Variants in DLG4 observed in about 807,000 individuals in gnomAD.
The protein encoded by DLG4 is discs large MAGUK scaffold protein 4, also known as disks large homolog 4.
In DLG4, 7 loss-of-function variants were observed where a neutral mutation model predicts 93.8. That is an observed-to-expected ratio of 0.07 (90% CI 0.04 to 0.14). The LOEUF is 0.14. Among genes scored for constraint, DLG4 ranks in the 10% least tolerant of loss-of-function variants. The pLI, the probability that DLG4 is intolerant of heterozygous loss-of-function variation, is 1.00. For synonymous variants in DLG4, 341 were observed against 387.6 expected (o/e 0.88, Z 1.41); for missense variants, 545 against 992.9 (o/e 0.55, Z 6.06).
upstream of DLG4, chr17:7,218,779 G>A: frequency 1.2e-6 from 2 of 1,608,886 alleles, no homozygotes; most frequent in Non-Finnish European, 1.7e-6. Flanking sequence ...CCGAGCCCCA[G>A]CCCCCCACTT....
upstream of DLG4, chr17:7,219,169 ATTGC>A: frequency 2.5e-6 from 1 of 406,548 alleles, no homozygotes; most frequent in African/African-American, 2.0e-5. Context: ...CCCAATGAGA[ATTGC>A]AGAAAAAGGG....
intron 2 of DLG4, chr17:7,205,109 C>T (rs1597477099): frequency 2.0e-6 from 2 of 985,542 alleles, no homozygotes; most frequent in African/African-American, 3.5e-5. Context: ...GGTTTGTGGG[C>T]GCAGCGCATC....
rs1383866465 is a variant in DLG4 at position 7,188,562 on chromosome 17, C to T, written c.*2146G>A. On this transcript the variant is annotated 3_prime_UTR_variant, in exon 20 of 20. Transcript: ENST00000399506. Reference sequence around the variant, plus strand: ...GGCTGAGAGTCACCATTCTACATAGCAGGATCTCAGGAGCTTCAGTTAGGA... The same window carrying T: ...GGCTGAGAGTCACCATTCTACATAGTAGGATCTCAGGAGCTTCAGTTAGGA... Among the ~76,000 whole-genome samples, 2 of 152,166 alleles carry T rather than the reference C, an allele frequency of 1.3e-5. No individual in the cohort carries two copies. Among genetic ancestry groups the T allele is most frequent in the African/African-American group, 4.8e-5 (2 of 41,428 alleles).
upstream of DLG4, chr17:7,219,671 G>A: frequency 7.6e-7 from 1 of 1,315,098 alleles, no homozygotes. Flanking sequence ...CCCTCTGGCT[G>A]CAGTGACTTA....
rs1231791559 is a variant in DLG4 at position 7,187,757 on chromosome 17, C to T, written c.*2951G>A. On this transcript the variant is annotated 3_prime_UTR_variant, in exon 20 of 20. Coordinates refer to ENST00000399506, the MANE Select transcript of DLG4 (RefSeq NM_001321075.3). ...CCATCTGCTATTACACAGAACCAAG[C>T]TAAGAGAAGGATTATTTGAAAAACA... 6.6e-6 allele frequency among the ~76,000 whole-genome samples: 1 copy of T among 151,842 alleles called. No individual in the cohort carries two copies. Among genetic ancestry groups the T allele is most frequent in the East Asian group, 1.9e-4 (1 of 5,150 alleles).
rs2070238103 is a variant in DLG4, at chr17:7,203,090, C to T, written c.643-43G>A. On this transcript the variant is annotated intron_variant, in intron 7 of 19. Coordinates refer to ENST00000399506, the MANE Select transcript of DLG4 (RefSeq NM_001321075.3). The surrounding 1 kb of genome is among the most constrained non-coding windows in gnomAD (Gnocchi z 7.2). Reference sequence around the variant, plus strand: ...AAAGCTCAGACAAAGCCACAAATGGCCCAAGACAGAAGCACTGGGGTGAAG... The same window carrying T: ...AAAGCTCAGACAAAGCCACAAATGGTCCAAGACAGAAGCACTGGGGTGAAG... The T allele has an allele frequency of 6.3e-7, 1 of 1,584,404 alleles. No individual in the cohort carries two copies. The highest frequency in any genetic ancestry group is 2.3e-5 in the East Asian group (1 of 44,288).
Position 7,203,146 on chromosome 17 carries a change from G to A in DLG4, c.642+47C>T. 1 of 1,570,906 alleles carries A rather than the reference G, an allele frequency of 6.4e-7. No individual in the cohort carries two copies. Among genetic ancestry groups the A allele is most frequent in the Non-Finnish European group, 8.7e-7 (1 of 1,150,480 alleles). ...AACTTGGGCCTGCCAGGGCTAGTAG[G>A]TGAGACCCAAATCTGGGCTAGAAAA... On this transcript the variant is annotated intron_variant, in intron 7 of 19. Coordinates refer to ENST00000399506, the MANE Select transcript of DLG4 (RefSeq NM_001321075.3). The surrounding 1 kb of genome is among the most constrained non-coding windows in gnomAD (Gnocchi z 7.2).
In DLG4 at chr17:7,187,340, G is replaced by T; in HGVS notation, c.*3368C>A. 7.3e-6 allele frequency among the ~76,000 whole-genome samples: 1 copy of T among 137,592 alleles called. No individual in the cohort carries two copies. Among genetic ancestry groups the T allele is most frequent in the South Asian group, 2.5e-4 (1 of 4,048 alleles). The allele number at this position is 137,592 out of a possible 152,430, so 90.3% of individuals were successfully genotyped here. A position where few individuals can be genotyped will look rare whatever the true frequency, so the allele number is the denominator to read the frequency against. ...GGGGGTGGATCACCCGAGGTCAGGA[G>T]TTCGAGACCAGCCTGATCAATATGG... is the stretch of plus-strand genomic sequence containing the variant. On this transcript the variant is annotated 3_prime_UTR_variant, in exon 20 of 20. Coordinates refer to ENST00000399506, the MANE Select transcript of DLG4 (RefSeq NM_001321075.3).
At chr17:7,207,267 T>C (rs1460011620) in intron 2 of DLG4, among the ~76,000 whole-genome samples, 2 of 151,720 alleles carry the variant, frequency 1.3e-5, no homozygotes, top group African/African-American at 4.8e-5. Flanking sequence ...GGGAAAGGAC[T>C]GATCAGGCCC....
chr17:7,202,862 G>T (rs1401132750), intron 8 of DLG4, 41 bp downstream of exon 8: 2 of 1,611,486 alleles, frequency 1.2e-6, no homozygotes, highest in South Asian at 1.1e-5. Flanking sequence ...GGGTTAAACG[G>T]GATGGGTCAT....
At position 7,196,631 on chromosome 17, in the gene DLG4, C is replaced by T. The variant is rs567348548; in HGVS notation, c.1084-56G>A. The stretch of plus-strand genomic sequence containing the variant: ...GAGACAGGAGGCAGCACTTCTGGGT[C>T]CAGGTGGAGCAGGGAGTGGTCCCGC... On this transcript the variant is annotated intron_variant, in intron 9 of 19. Transcript: ENST00000399506. The surrounding 1 kb of genome is among the most constrained non-coding windows in gnomAD (Gnocchi z 8.3). 5.0e-6 allele frequency: 8 copies of T among 1,604,848 alleles called. No individual in the cohort carries two copies. In the South Asian group the frequency reaches 7.7e-5, roughly 16 times the overall value.
upstream of DLG4, chr17:7,218,517 T>A (rs955091059): frequency 3.9e-6 from 6 of 1,549,484 alleles, no homozygotes; most frequent in East Asian, 1.5e-4. Flanking sequence ...GAGGCCCAGG[T>A]CCCTCAGAAA....
Position 7,191,373 on chromosome 17 carries a change from G to T in DLG4, c.1977-15C>A. 1 of 1,612,454 alleles carries T rather than the reference G, an allele frequency of 6.2e-7. No individual in the cohort carries two copies. ...TGTTAATCTCTCTGTGAAGAGGGAG[G>T]GAGAGCAGGCCTGAGACTGGACCCA... On this transcript the variant is annotated splice_polypyrimidine_tract_variant and intron_variant, in intron 18 of 19. Coordinates refer to ENST00000399506, the MANE Select transcript of DLG4 (RefSeq NM_001321075.3). The surrounding 1 kb of genome is among the most constrained non-coding windows in gnomAD (Gnocchi z 6.6).
intron 8 of DLG4, among the ~76,000 whole-genome samples, chr17:7,200,856 GT>G (rs1243920377): frequency 0.018 from 1,686 of 94,676 alleles, 21 homozygotes; most frequent in African/African-American, 0.062. Flanking sequence ...GCCTGTTTTG[GT>G]TTTTTTTTTT....
At chr17:7,218,316 C>A, upstream of DLG4, 1 of 1,594,276 alleles carries the variant, frequency 6.3e-7, no homozygotes, top group Non-Finnish European at 8.5e-7. Flanking sequence ...ACCTCCCCAC[C>A]CCAGGCCTCT....
chr17:7,202,482 A>G (rs534962317), intron 8 of DLG4, among the ~76,000 whole-genome samples: 16 of 152,306 alleles, frequency 1.1e-4, no homozygotes, highest in South Asian at 4.1e-4. Context: ...TTGCTTTGCT[A>G]CTATATTATT....
Position 7,190,618 on chromosome 17 carries a change from C to CG in DLG4, c.*89dup, listed in dbSNP as rs376222775. On this transcript the variant is annotated 3_prime_UTR_variant, in exon 20 of 20. Coordinates refer to ENST00000399506, the MANE Select transcript of DLG4 (RefSeq NM_001321075.3). ...AAATAAGAAGGGGTGGGAGGGAGGC[C>CG]GGGGGGAGCCAAGGGCTTGGGCAAT... is the stretch of plus-strand genomic sequence containing the variant. 5.0e-4 allele frequency: 497 copies of CG among 1,002,708 alleles called. 1 individual carries two copies. The African/African-American group carries it at 6.5e-3, about 13-fold the overall frequency. 62.1% of individuals were successfully genotyped at this position (1,002,708 alleles called of 1,614,324 possible).
At chr17:7,218,884 C>T (rs1450290249), upstream of DLG4, 1 of 1,610,356 alleles carries the variant, frequency 6.2e-7, no homozygotes, top group Admixed American at 1.7e-5. Flanking sequence ...CCCTAATCCT[C>T]CAGGATTGGA....
chr17:7,204,410 CACACACACGCACACGCGTGCACAT>C (rs1451681421), intron 2 of DLG4, 158 bp from the exon 3 acceptor site: 8 of 648,058 alleles, frequency 1.2e-5, no homozygotes, highest in Non-Finnish European at 1.9e-5. Context: ...CAATCCACAT[CACACACACGCACACGCGTGCACAT>C]GCGCACGCGC....
Sources: allele counts gnomAD v4.1 joint callset (sites outside exome capture counted in the v4.1 genomes callset), GRCh38; gene constraint gnomAD v4.1.1; non-coding constraint Gnocchi (gnomAD v3.1); transcripts MANE v1.5; gene names NCBI Gene and HGNC (gene_info 2026-07-23, HGNC 2026-07-21).